MICU2: variants seen among roughly 807,000 people sequenced by gnomAD.
The protein encoded by MICU2 is calcium uptake protein 2, mitochondrial.
A neutral mutation model predicts 60.4 loss-of-function variants in MICU2; 64 were observed. The ratio of observed to expected loss-of-function variants is 1.06; its 90% CI spans 0.87 to 1.31. The LOEUF (loss-of-function observed/expected upper bound fraction) is 1.31. Ranked by LOEUF, MICU2 falls within the 50% of genes most tolerant of loss-of-function variation. The pLI, the probability that MICU2 is intolerant of heterozygous loss-of-function variation, is 0.00. For missense variants in MICU2, 569 were observed against 531.0 expected, an observed-to-expected ratio of 1.07 and a Z score of -0.70; for synonymous variants, 201 against 175.0, an observed-to-expected ratio of 1.15 and a Z score of -1.17.
intron 4 of MICU2, among the ~76,000 whole-genome samples, chr13:21,532,178 T>C (rs1356163781): frequency 1.3e-5 from 2 of 152,262 alleles, no homozygotes; most frequent in African/African-American, 4.8e-5. Flanking sequence ...TTTTCTTCTA[T>C]CTGAAGAGTC....
At chr13:21,494,290 C>T (rs1259722150) in intron 11 of MICU2, among the ~76,000 whole-genome samples, 1 of 152,024 alleles carries the variant, frequency 6.6e-6, no homozygotes, top group African/African-American at 2.4e-5. Flanking sequence ...CTCTCTCTCT[C>T]CTTCCTTTTT....
intron 9 of MICU2, among the ~76,000 whole-genome samples, chr13:21,498,319 C>T (rs963336213): frequency 1.3e-5 from 2 of 151,714 alleles, no homozygotes; most frequent in African/African-American, 4.8e-5. Flanking sequence ...GTTCCATTCC[C>T]CAGACATGAG....
chr13:21,578,574 G>A (rs1339902913), intron 1 of MICU2, among the ~76,000 whole-genome samples: 1 of 151,830 alleles, frequency 6.6e-6, no homozygotes, highest in African/African-American at 2.4e-5. Flanking sequence ...TCCAGTCTAG[G>A]TCACAGAGTG....
At chr13:21,576,952 A>T (rs949820843) in intron 1 of MICU2, among the ~76,000 whole-genome samples, 11 of 152,254 alleles carry the variant, frequency 7.2e-5, no homozygotes, top group African/African-American at 2.7e-4. Context: ...AGAACAAAAA[A>T]TTTTAAAACT....
At chr13:21,585,207 C>T (rs1377394713) in intron 1 of MICU2, among the ~76,000 whole-genome samples, 1 of 152,202 alleles carries the variant, frequency 6.6e-6, no homozygotes, top group African/African-American at 2.4e-5. Context: ...TAGCCATTTA[C>T]AACTTTGATT....
At chr13:21,556,378 T>C (rs1410637826) in intron 2 of MICU2, among the ~76,000 whole-genome samples, 15 of 152,198 alleles carry the variant, frequency 9.9e-5, no homozygotes, top group Non-Finnish European at 4.4e-5. Context: ...GGGTTTTCCT[T>C]ATCTCTTCAC....
chr13:21,588,329 C>T (rs1283937975), intron 1 of MICU2, among the ~76,000 whole-genome samples: 3 of 152,136 alleles, frequency 2.0e-5, no homozygotes, highest in African/African-American at 4.8e-5. Context: ...GGCCAGAGGC[C>T]CAAACTGTCC....
At chr13:21,512,533 C>T (rs550754476) in intron 7 of MICU2, among the ~76,000 whole-genome samples, 8 of 150,916 alleles carry the variant, frequency 5.3e-5, no homozygotes, top group African/African-American at 1.7e-4. Flanking sequence ...CTGCGAGCTC[C>T]GCCTCCCAGG....
chr13:21,601,632 GAA>G lies in MICU2; in HGVS notation c.210+2305_210+2306del, dbSNP rs66892794. On this transcript the variant is annotated intron_variant, in intron 1 of 11. Transcript: ENST00000382374. ...AAGGAGAAAGATTAGAAGTGGGCCA[GAA>G]AAAAAAAAAACAATTAGATGGATAA... Among the ~76,000 whole-genome samples, 313 of 147,294 alleles carry G rather than the reference GAA, an allele frequency of 2.1e-3. 1 individual carries two copies. Among genetic ancestry groups the G allele is most frequent in the African/African-American group, 7.1e-3 (284 of 40,226 alleles).
intron 6 of MICU2, among the ~76,000 whole-genome samples, chr13:21,517,797 ACACG>A (rs56102168): frequency 0.014 from 1,230 of 90,172 alleles, 11 homozygotes; most frequent in South Asian, 0.041. Context: ...ACACACACAC[ACACG>A]CGCGCGCGCG....
intron 1 of MICU2, among the ~76,000 whole-genome samples, chr13:21,590,687 C>A (rs1167577484): frequency 6.6e-6 from 1 of 152,242 alleles, no homozygotes; most frequent in East Asian, 1.9e-4. Context: ...ACCCCCGTTT[C>A]TACTAAAAAT....
rs1885994163 is a variant in MICU2 at position 21,496,235 on chromosome 13, C to G, written c.934-75G>C. 9.0e-6 allele frequency: 10 copies of G among 1,113,140 alleles called. No individual in the cohort carries two copies. In the Admixed American group the frequency reaches 1.8e-4, roughly 20 times the overall value. 69.0% of individuals were successfully genotyped at this position (1,113,140 alleles called of 1,614,324 possible). On this transcript the variant is annotated intron_variant, in intron 9 of 11. Coordinates refer to ENST00000382374, the MANE Select transcript of MICU2 (RefSeq NM_152726.3). The stretch of plus-strand genomic sequence containing the variant: ...CTTATAAATGTTAACTATGAACTTT[C>G]TTTTCTACCGTAGAGACTAGTATCA...
At position 21,591,027 on chromosome 13, in the gene MICU2, C is replaced by T. The variant is rs574271384; in HGVS notation, c.210+12912G>A. 7.2e-5 allele frequency among the ~76,000 whole-genome samples: 11 copies of T among 152,208 alleles called. No individual in the cohort carries two copies. The East Asian group carries it at 9.6e-4, about 13-fold the overall frequency. On this transcript the variant is annotated intron_variant, in intron 1 of 11. Coordinates refer to ENST00000382374, the MANE Select transcript of MICU2 (RefSeq NM_152726.3). Reference sequence around the variant, plus strand: ...TCATGATGACAGGATCAAATTCACACGTAACAATAGTAACCTTAAATATAA... The same window carrying T: ...TCATGATGACAGGATCAAATTCACATGTAACAATAGTAACCTTAAATATAA...
At chr13:21,542,529 A>C (rs532162180) in intron 2 of MICU2, among the ~76,000 whole-genome samples, 1 of 152,150 alleles carries the variant, frequency 6.6e-6, no homozygotes, top group Admixed American at 6.5e-5. Context: ...CAGCTATTTG[A>C]TATGTATTCA....
rs370202488 is a variant in MICU2, at chr13:21,566,796, C to G, written c.358+1G>C. On this transcript the variant is annotated splice_donor_variant, in intron 2 of 11. Transcript: ENST00000382374. LOFTEE classifies it high-confidence loss of function. ...TTAAAAAAAAAAAAGACCCAACTCA[C>G]GTTCCATTTGCTCAAACATCACTGA... 11 of 1,558,614 alleles carry G rather than the reference C, an allele frequency of 7.1e-6. No individual in the cohort carries two copies. The highest frequency in any genetic ancestry group is 9.5e-6 in the Non-Finnish European group (11 of 1,157,460).
At chr13:21,527,567 T>C (rs1737539933) in intron 4 of MICU2, among the ~76,000 whole-genome samples, 1 of 152,190 alleles carries the variant, frequency 6.6e-6, no homozygotes, top group South Asian at 2.1e-4. Context: ...ATTCTAGGCA[T>C]TTGCCCTCTG....
chr13:21,530,794 A>T, intron 4 of MICU2: 1 of 678,366 alleles, frequency 1.5e-6, no homozygotes. Context: ...AGCACCAGGA[A>T]GAGATGGCGG....
chr13:21,593,038 A>T (rs1424464310), intron 1 of MICU2, among the ~76,000 whole-genome samples: 1 of 152,204 alleles, frequency 6.6e-6, no homozygotes, highest in East Asian at 1.9e-4. Flanking sequence ...AAGAGAAAGA[A>T]ATAAAGGGTA....
intron 1 of MICU2, among the ~76,000 whole-genome samples, chr13:21,579,141 A>G (rs6490662): frequency 0.54 from 82,489 of 152,034 alleles, 24,139 homozygotes; most frequent in East Asian, 1. Context: ...GAAATGAGCA[A>G]AGAATGAGCC....
Sources: gnomAD v4.1 joint callset for allele counts (sites outside exome capture counted in the v4.1 genomes callset) on GRCh38, gnomAD v4.1.1 for gene constraint, MANE v1.5 for transcripts, NCBI Gene and HGNC (gene_info 2026-07-23, HGNC 2026-07-21) for gene names.